SHISA9: variants seen among roughly 807,000 people sequenced by gnomAD.
The protein encoded by SHISA9 is protein shisa-9.
In SHISA9, 13 loss-of-function variants were observed where a neutral mutation model predicts 38.0. That is an observed-to-expected ratio of 0.34 (90% confidence interval 0.22 to 0.54). The LOEUF is 0.54. SHISA9 is among the 20% of genes least tolerant of loss of function. SHISA9 has a pLI of 0.91. For missense variants in SHISA9, 538 were observed against 575.8 expected, an observed-to-expected ratio of 0.93 and a Z score of 0.67; for synonymous variants, 275 against 242.0, an observed-to-expected ratio of 1.14 and a Z score of -1.27.
intron 2 of SHISA9, among the ~76,000 whole-genome samples, chr16:13,129,606 T>G (rs75100066): frequency 0.017 from 2,572 of 152,314 alleles, 82 homozygotes; most frequent in African/African-American, 0.059. Context: ...TTAGTAAAGA[T>G]GCATACACCC....
the SHISA9 span, among the ~76,000 whole-genome samples, chr16:13,375,500 C>T: frequency 6.6e-6 from 1 of 152,090 alleles, no homozygotes; most frequent in Non-Finnish European, 1.5e-5. Flanking sequence ...GGTATTATTT[C>T]TGAGAGCTCT....
chr16:13,445,928 T>C, the SHISA9 span, among the ~76,000 whole-genome samples: 1 of 152,102 alleles, frequency 6.6e-6, no homozygotes, highest in East Asian at 1.9e-4. Context: ...CAAAGAGGCA[T>C]TTAGAATATT....
At chr16:13,411,119 A>G in the SHISA9 span, among the ~76,000 whole-genome samples, 2 of 152,212 alleles carry the variant, frequency 1.3e-5, no homozygotes, top group South Asian at 4.1e-4. Flanking sequence ...TCCGTCCCTG[A>G]TTCACTGGAT....
the SHISA9 span, among the ~76,000 whole-genome samples, chr16:13,469,435 G>GAAAGAAAGAAAA: frequency 1.6e-5 from 2 of 124,480 alleles, no homozygotes; most frequent in African/African-American, 6.2e-5. Flanking sequence ...AAGAAAGAAA[G>GAAAGAAAGAAAA]AGAAAGAAAG....
intron 2 of SHISA9, among the ~76,000 whole-genome samples, chr16:12,985,908 T>A (rs1280670960): frequency 6.6e-5 from 10 of 152,172 alleles, no homozygotes. Flanking sequence ...TCTGAACTCA[T>A]TACTCTTGTG....
the SHISA9 span, among the ~76,000 whole-genome samples, chr16:13,345,956 C>G: frequency 1.5e-5 from 1 of 67,918 alleles, no homozygotes; most frequent in East Asian, 1.1e-3. Context: ...TTGTTTTACT[C>G]TTGTAAAAAA....
At chr16:13,381,839 T>G in the SHISA9 span, among the ~76,000 whole-genome samples, 1 of 152,164 alleles carries the variant, frequency 6.6e-6, no homozygotes, top group Non-Finnish European at 1.5e-5. Flanking sequence ...GTCAGAAGAT[T>G]TGTAATATAA....
intron 4 of SHISA9, among the ~76,000 whole-genome samples, chr16:13,217,235 G>C (rs1357928222): frequency 6.6e-6 from 1 of 152,030 alleles, no homozygotes; most frequent in African/African-American, 2.4e-5. Flanking sequence ...CAGAGATCTT[G>C]CCACTGCACC....
the SHISA9 span, among the ~76,000 whole-genome samples, chr16:13,390,778 AG>A: frequency 6.6e-6 from 1 of 152,228 alleles, no homozygotes; most frequent in Admixed American, 6.5e-5. Context: ...CAAAATGGAA[AG>A]AAAGGCTTTG....
chr16:13,463,426 T>G, the SHISA9 span, among the ~76,000 whole-genome samples: 1 of 152,100 alleles, frequency 6.6e-6, no homozygotes, highest in Non-Finnish European at 1.5e-5. Flanking sequence ...CTGGAAAGAT[T>G]CCTGGGACTG....
rs1596728543 is a variant in SHISA9, at chr16:13,203,448, G to A, written c.746G>A (p.Gly249Asp). ...ACCTCTCCTCTGCTCCAGCAGATGG[G>A]CCATCCACATTCGTACCCGAACCTG... ...VPTSPLLQQM[G>D]HPHSYPNLGQ... Residue 249 changes from glycine to aspartate, a missense_variant, in exon 3 of 5, where the codon GGC (glycine) becomes GAC (aspartate). Coordinates refer to ENST00000558583, the MANE Select transcript of SHISA9 (RefSeq NM_001145204.3). 6.4e-7 allele frequency: 1 copy of A among 1,550,538 alleles called. No individual in the cohort carries two copies. Among genetic ancestry groups the A allele is most frequent in the African/African-American group, 1.4e-5 (1 of 73,050 alleles).
At chr16:12,915,160 C>T (rs916118006) in intron 1 of SHISA9, among the ~76,000 whole-genome samples, 8 of 152,250 alleles carry the variant, frequency 5.3e-5, no homozygotes, top group East Asian at 1.9e-4. Flanking sequence ...CAGAGGAGGC[C>T]GGTATGAAGA....
intron 2 of SHISA9, among the ~76,000 whole-genome samples, chr16:13,005,939 T>C (rs1383995508): frequency 6.6e-6 from 1 of 152,118 alleles, no homozygotes; most frequent in Non-Finnish European, 1.5e-5. Context: ...TCTGAAACAG[T>C]GGGAGGCTCT....
At chr16:13,340,363 C>T in the SHISA9 span, among the ~76,000 whole-genome samples, 6 of 152,150 alleles carry the variant, frequency 3.9e-5, no homozygotes, top group Non-Finnish European at 8.8e-5. Flanking sequence ...ACAGTGTTAT[C>T]CTTTGGATGT....
At chr16:13,005,171 C>G (rs993470353) in intron 2 of SHISA9, among the ~76,000 whole-genome samples, 3 of 151,948 alleles carry the variant, frequency 2.0e-5, no homozygotes, top group Admixed American at 2.0e-4. Flanking sequence ...TATCACTGAG[C>G]TCAGTTTGAG....
chr16:13,374,331 A>G, the SHISA9 span, among the ~76,000 whole-genome samples: 4 of 152,054 alleles, frequency 2.6e-5, no homozygotes, highest in Non-Finnish European at 5.9e-5. Context: ...TCCATCCATG[A>G]CAGACCCCAG....
the SHISA9 span, among the ~76,000 whole-genome samples, chr16:13,426,381 T>A: frequency 1.3e-5 from 2 of 152,150 alleles, no homozygotes; most frequent in African/African-American, 4.8e-5. Flanking sequence ...CTATTCAGAA[T>A]GCAGATCTCT....
At chr16:13,162,052 G>A (rs1042283664) in intron 2 of SHISA9, among the ~76,000 whole-genome samples, 3 of 152,182 alleles carry the variant, frequency 2.0e-5, no homozygotes, top group African/African-American at 7.2e-5. Flanking sequence ...AGGGGATAAT[G>A]TAATGGCAGA....
intron 1 of SHISA9, among the ~76,000 whole-genome samples, chr16:12,903,513 TTTTAAA>T (rs1005614201): frequency 6.7e-3 from 279 of 41,774 alleles, no homozygotes; most frequent in African/African-American, 0.014. Flanking sequence ...CTTTTGCTTT[TTTTAAA>T]TTTTTTTTAT....
Sources: gnomAD v4.1 joint callset for allele counts (sites outside exome capture counted in the v4.1 genomes callset) on GRCh38, gnomAD v4.1.1 for gene constraint, MANE v1.5 for transcripts, NCBI Gene and HGNC (gene_info 2026-07-23, HGNC 2026-07-21) for gene names.